RCAN2: variants seen among roughly 807,000 people sequenced by gnomAD.
RCAN2 encodes the protein calcipressin-2.
A neutral mutation model predicts 23.6 loss-of-function variants in RCAN2; 9 were observed. The observed-to-expected ratio is 0.38, with a 90% CI of 0.23 to 0.67. RCAN2 has a LOEUF of 0.67. Among genes scored for constraint, RCAN2 ranks in the 30% least tolerant of loss-of-function variants. The pLI is 0.51. For synonymous variants in RCAN2, 109 were observed against 115.7 expected, an observed-to-expected ratio of 0.94 and a Z score of 0.37; for missense variants, 273 against 302.3, an observed-to-expected ratio of 0.90 and a Z score of 0.72.
In RCAN2 at chr6:46,234,637, A is replaced by G. The variant is rs371746054; in HGVS notation, c.572-11336T>C. Reference sequence around the variant, plus strand: ...CTCCTTTGTGTGCAGAAAGGAGGCCAGGACCAAAAGTCACCAACAAGTGCA... The same window carrying G: ...CTCCTTTGTGTGCAGAAAGGAGGCCGGGACCAAAAGTCACCAACAAGTGCA... On this transcript the variant is annotated intron_variant, in intron 4 of 4. Coordinates refer to ENST00000371374, the MANE Select transcript of RCAN2 (RefSeq NM_001251974.2). 2.6e-5 allele frequency among the ~76,000 whole-genome samples: 4 copies of G among 152,376 alleles called. No homozygotes were observed. In the East Asian group the frequency reaches 7.7e-4, roughly 29 times the overall value.
At chr6:46,382,704 A>G (rs1282494724) in intron 2 of RCAN2, among the ~76,000 whole-genome samples, 1 of 152,228 alleles carries the variant, frequency 6.6e-6, no homozygotes, top group Non-Finnish European at 1.5e-5. Flanking sequence ...GAATAATAAG[A>G]TTACACAGAA....
intron 2 of RCAN2, among the ~76,000 whole-genome samples, chr6:46,427,460 C>T (rs1442825042): frequency 6.6e-6 from 1 of 152,152 alleles, no homozygotes; most frequent in Non-Finnish European, 1.5e-5. Context: ...TAAGATTATA[C>T]ATGTAAAATA....
intron 1 of RCAN2, among the ~76,000 whole-genome samples, chr6:46,481,151 T>C (rs1054744763): frequency 6.6e-6 from 1 of 152,188 alleles, no homozygotes; most frequent in Non-Finnish European, 1.5e-5. Flanking sequence ...GGGGCACTTA[T>C]TGTCTACAGG....
intron 2 of RCAN2, among the ~76,000 whole-genome samples, chr6:46,265,469 G>C (rs2150329403): frequency 6.6e-6 from 1 of 152,304 alleles, no homozygotes; most frequent in East Asian, 1.9e-4. Flanking sequence ...GTAATTTATA[G>C]ATAGTGTCCA....
At chr6:46,316,924 A>G (rs1412712242) in intron 2 of RCAN2, among the ~76,000 whole-genome samples, 2 of 152,180 alleles carry the variant, frequency 1.3e-5, no homozygotes, top group Admixed American at 1.3e-4. Context: ...ATCCCAGTCC[A>G]AGTTTTCCCA....
chr6:46,443,488 ATATT>A (rs1767612960), intron 2 of RCAN2, among the ~76,000 whole-genome samples: 1 of 151,978 alleles, frequency 6.6e-6, no homozygotes, highest in South Asian at 2.1e-4. Context: ...AATAATATAA[ATATT>A]TATTTTATTT....
In RCAN2 at chr6:46,260,076, T is replaced by C. The variant is rs140318037; in HGVS notation, c.226-11180A>G. Among the ~76,000 whole-genome samples, 68 of 152,280 alleles carry C rather than the reference T, an allele frequency of 4.5e-4. No individual in the cohort carries two copies. In the South Asian group the frequency reaches 7.5e-3, roughly 17 times the overall value. Reference sequence around the variant, plus strand: ...GCAGAATTGATCACATCATTGCCAATTGGTGATCAACTCTAACTTCAGCAT... The same window carrying C: ...GCAGAATTGATCACATCATTGCCAACTGGTGATCAACTCTAACTTCAGCAT... On this transcript the variant is annotated intron_variant, in intron 2 of 4. Transcript: ENST00000371374.
intron 2 of RCAN2, among the ~76,000 whole-genome samples, chr6:46,259,994 A>G (rs926837007): frequency 1.2e-4 from 18 of 152,262 alleles, no homozygotes; most frequent in African/African-American, 4.1e-4. Context: ...ATGTTCAGCA[A>G]CCTGGAAACT....
intron 2 of RCAN2, among the ~76,000 whole-genome samples, chr6:46,331,926 C>T (rs1023436247): frequency 6.6e-6 from 1 of 152,148 alleles, no homozygotes; most frequent in Non-Finnish European, 1.5e-5. Context: ...GGCTAGTTGC[C>T]TTATCCCACA....
intron 2 of RCAN2, among the ~76,000 whole-genome samples, chr6:46,271,368 G>A (rs1017448517): frequency 1.3e-5 from 2 of 152,148 alleles, no homozygotes; most frequent in East Asian, 1.9e-4. Context: ...GCCTTCAACT[G>A]ATTGGATGAA....
At chr6:46,347,345 A>C (rs904266182) in intron 2 of RCAN2, among the ~76,000 whole-genome samples, 1 of 152,216 alleles carries the variant, frequency 6.6e-6, no homozygotes, top group Non-Finnish European at 1.5e-5. Context: ...CAGGTCATGC[A>C]TCAAGTTAGT....
At chr6:46,359,458 C>G (rs1389965394) in intron 2 of RCAN2, among the ~76,000 whole-genome samples, 1 of 152,174 alleles carries the variant, frequency 6.6e-6, no homozygotes, top group Non-Finnish European at 1.5e-5. Flanking sequence ...ATTTGTCAGT[C>G]AAATTGTAGG....
intron 1 of RCAN2, among the ~76,000 whole-genome samples, chr6:46,471,764 A>T: frequency 6.6e-6 from 1 of 152,170 alleles, no homozygotes; most frequent in African/African-American, 2.4e-5. Context: ...AACACACCAC[A>T]ATTTTAGAGG....
At chr6:46,271,091 C>A (rs146361040) in intron 2 of RCAN2, among the ~76,000 whole-genome samples, 5 of 152,340 alleles carry the variant, frequency 3.3e-5, no homozygotes, top group Admixed American at 1.3e-4. Flanking sequence ...ACCTATTTGA[C>A]AGAGTTTTCC....
At chr6:46,259,037 T>A (rs1767020732) in intron 2 of RCAN2, among the ~76,000 whole-genome samples, 1 of 152,032 alleles carries the variant, frequency 6.6e-6, no homozygotes, top group African/African-American at 2.4e-5. Flanking sequence ...ATATAAAAAA[T>A]TAGCCTGGCA....
chr6:46,387,469 T>C (rs932504843), intron 2 of RCAN2, among the ~76,000 whole-genome samples: 17 of 152,066 alleles, frequency 1.1e-4, no homozygotes, highest in Non-Finnish European at 2.1e-4. Context: ...TCTCAAAAGA[T>C]GACATTTATG....
At chr6:46,234,431 G>C (rs1322840504) in intron 4 of RCAN2, among the ~76,000 whole-genome samples, 1 of 152,152 alleles carries the variant, frequency 6.6e-6, no homozygotes, top group Non-Finnish European at 1.5e-5. Flanking sequence ...CTGTCACCAG[G>C]CACATGGACC....
chr6:46,456,655 C>G, intron 2 of RCAN2, 97 bp downstream of exon 2: 1 of 940,802 alleles, frequency 1.1e-6, no homozygotes, highest in Non-Finnish European at 1.6e-6. Flanking sequence ...TAAACATTTC[C>G]AAAAACTTCA....
chr6:46,489,545 A>G (rs902463650), intron 1 of RCAN2, among the ~76,000 whole-genome samples: 3 of 152,372 alleles, frequency 2.0e-5, no homozygotes, highest in South Asian at 4.1e-4. Flanking sequence ...GACTGTCTGC[A>G]AATGATTACA....
Sources: gnomAD v4.1 joint callset for allele counts (sites outside exome capture counted in the v4.1 genomes callset) on GRCh38, gnomAD v4.1.1 for gene constraint, MANE v1.5 for transcripts, NCBI Gene and HGNC (gene_info 2026-07-23, HGNC 2026-07-21) for gene names.